The following TRPC5 variants were observed in gnomAD, a reference collection of about 807,000 sequenced individuals.
TRPC5 encodes transient receptor potential cation channel subfamily C member 5.
In TRPC5, 9 loss-of-function variants were observed where a neutral mutation model predicts 56.5. That is an observed-to-expected ratio of 0.16 (90% CI 0.10 to 0.28). The LOEUF is 0.28. Among genes scored for constraint, TRPC5 ranks in the 10% least tolerant of loss-of-function variants. The pLI is 1.00. For missense variants in TRPC5, 469 were observed against 748.9 expected, an observed-to-expected ratio of 0.63 and a Z score of 4.36; for synonymous variants, 282 against 278.5, an observed-to-expected ratio of 1.01 and a Z score of -0.13.
intron 1 of TRPC5, among the ~76,000 whole-genome samples, chrX:111,974,961 T>C (rs193189769): frequency 1.4e-3 from 158 of 111,307 alleles, no homozygotes; most frequent in African/African-American, 5.1e-3. Context: ...ATATCGGGAA[T>C]GAGATGTTTA....
At chrX:111,953,265 T>C (rs1422345582) in intron 1 of TRPC5, among the ~76,000 whole-genome samples, 1 of 112,201 alleles carries the variant, frequency 8.9e-6, no homozygotes, top group Admixed American at 9.5e-5. Context: ...TAAATTCTGA[T>C]AAGTGAATGG....
chrX:112,001,928 C>T (rs1351253885), intron 1 of TRPC5, among the ~76,000 whole-genome samples: 2 of 111,820 alleles, frequency 1.8e-5, no homozygotes, highest in Non-Finnish European at 3.8e-5. Flanking sequence ...TCGCACGTCA[C>T]GTTCTACTTT....
intron 7 of TRPC5, among the ~76,000 whole-genome samples, chrX:111,830,834 T>C (rs1213452017): frequency 3.6e-5 from 4 of 112,278 alleles, no homozygotes; most frequent in Non-Finnish European, 7.5e-5. Context: ...ACACTGACAT[T>C]CTCTTCTGCT....
At chrX:111,912,859 G>A (rs1925860707) in intron 2 of TRPC5, 47 bp from the exon 3 acceptor site, 1 of 1,143,560 alleles carries the variant, frequency 8.7e-7, no homozygotes, top group Non-Finnish European at 1.2e-6. Flanking sequence ...TTAAAGTTTG[G>A]AGAGAGAAGC....
intron 2 of TRPC5, among the ~76,000 whole-genome samples, chrX:111,938,714 A>G (rs1319626452): frequency 1.8e-5 from 2 of 111,785 alleles, no homozygotes; most frequent in Non-Finnish European, 3.8e-5. Context: ...ATCATGGTGG[A>G]TAAGCTTTTT....
chrX:111,969,704 G>T (rs143442436), intron 1 of TRPC5, among the ~76,000 whole-genome samples: 8,815 of 110,882 alleles, frequency 0.079, 342 homozygotes, highest in Non-Finnish European at 0.12. Flanking sequence ...TGGAAGTCAG[G>T]GGTGAGAATT....
At chrX:112,078,019 C>T (rs547393542) in intron 1 of TRPC5, among the ~76,000 whole-genome samples, 1 of 111,410 alleles carries the variant, frequency 9.0e-6, no homozygotes, top group South Asian at 3.8e-4. Context: ...ATTCTGCTAG[C>T]TTCCATTCCC....
In TRPC5 at chrX:111,776,449, G is replaced by T. The variant is rs1945878992; in HGVS notation, c.2786C>A (p.Ala929Glu). ...PLACSSSLHC[A>E]SSICSSNSKL... The stretch of plus-strand genomic sequence containing the variant: ...AGAATTTGAGGAGCAGATGCTGGAT[G>T]CACAGTGAAGAGAGCTGGAACAGGC... The change falls in exon 11 of 11, where the codon GCA (alanine) becomes GAA (glutamate). Residue 929 changes from alanine to glutamate, a missense_variant. Ala to Glu is a moderately radical substitution (Grantham distance 107, BLOSUM62 -1). Around this residue, in one of 3 missense-constraint regions of TRPC5, gnomAD observed 194 missense variants for 221.8 expected, o/e 0.87. Coordinates refer to ENST00000262839, the MANE Select transcript of TRPC5 (RefSeq NM_012471.3). 2 of 1,209,582 alleles carry T rather than the reference G, an allele frequency of 1.7e-6. No individual in the cohort carries two copies. Among genetic ancestry groups the T allele is most frequent in the Admixed American group, 4.4e-5 (2 of 45,671 alleles).
At chrX:112,001,616 C>T (rs1928698287) in intron 1 of TRPC5, among the ~76,000 whole-genome samples, 1 of 111,125 alleles carries the variant, frequency 9.0e-6, no homozygotes, top group Admixed American at 9.6e-5. Context: ...TAAAAATTAG[C>T]CAGGCATGTT....
chrX:111,798,360 C>G (rs1921177058), intron 7 of TRPC5, among the ~76,000 whole-genome samples: 1 of 111,876 alleles, frequency 8.9e-6, no homozygotes, highest in African/African-American at 3.2e-5. Flanking sequence ...TGCTGTGTGC[C>G]ACTTATCTCC....
At chrX:112,045,927 C>T (rs1281794006) in intron 1 of TRPC5, among the ~76,000 whole-genome samples, 1 of 111,407 alleles carries the variant, frequency 9.0e-6, no homozygotes, top group African/African-American at 3.3e-5. Flanking sequence ...TGGTTCTCAA[C>T]TTGAGGAGAT....
chrX:111,996,591 C>A (rs1206109301), intron 1 of TRPC5, among the ~76,000 whole-genome samples: 3 of 110,876 alleles, frequency 2.7e-5, no homozygotes, highest in Non-Finnish European at 5.7e-5. Flanking sequence ...GTGTTAAAGT[C>A]TCTCATTATT....
chrX:111,968,056 A>T (rs1927655377), intron 1 of TRPC5, among the ~76,000 whole-genome samples: 1 of 111,267 alleles, frequency 9.0e-6, no homozygotes, highest in Admixed American at 9.6e-5. Flanking sequence ...ATGGGAGAAA[A>T]TTTTTTCAAC....
chrX:111,818,921 G>A (rs1360968421), intron 7 of TRPC5, among the ~76,000 whole-genome samples: 3 of 111,680 alleles, frequency 2.7e-5, no homozygotes, highest in African/African-American at 9.8e-5. Context: ...AAGCATATCA[G>A]TAAATCTTAA....
chrX:111,825,183 C>CTT (rs1308253768), intron 7 of TRPC5, among the ~76,000 whole-genome samples: 1 of 82,867 alleles, frequency 1.2e-5, no homozygotes, highest in Non-Finnish European at 2.3e-5. Flanking sequence ...TTCTTTCTTT[C>CTT]TTTCTTTCTT....
intron 1 of TRPC5, among the ~76,000 whole-genome samples, chrX:112,066,963 C>A (rs1340570845): frequency 8.9e-6 from 1 of 111,963 alleles, no homozygotes; most frequent in African/African-American, 3.2e-5. Context: ...AATGGCCTTT[C>A]AGGGTAATTA....
intron 7 of TRPC5, among the ~76,000 whole-genome samples, chrX:111,820,372 A>C (rs750781878): frequency 1.2e-4 from 14 of 112,184 alleles, no homozygotes; most frequent in African/African-American, 3.9e-4. Flanking sequence ...TTTTGAAGCA[A>C]CTACAGTAGG....
chrX:112,079,670 C>G (rs939337841), intron 1 of TRPC5, among the ~76,000 whole-genome samples: 3 of 111,990 alleles, frequency 2.7e-5, no homozygotes, highest in African/African-American at 9.8e-5. Context: ...TACTGTGGTT[C>G]TGCGTGCCAT....
intron 1 of TRPC5, among the ~76,000 whole-genome samples, chrX:111,995,509 C>G (rs781689606): frequency 3.6e-5 from 4 of 111,422 alleles, no homozygotes; most frequent in South Asian, 7.6e-4. Flanking sequence ...CCCTCTTTTT[C>G]TATTGATTGG....
Sources: gnomAD v4.1 joint callset for allele counts (sites outside exome capture counted in the v4.1 genomes callset) on GRCh38, gnomAD v4.1.1 for gene constraint, gnomAD v4.1.1 regional missense constraint, MANE v1.5 for transcripts, NCBI Gene and HGNC (gene_info 2026-07-23, HGNC 2026-07-21) for gene names.